SPOCK1: variants seen among roughly 807,000 people sequenced by gnomAD.
The protein encoded by SPOCK1 is SPARC (osteonectin), cwcv and kazal like domains proteoglycan 1.
Under a neutral mutation model 55.3 loss-of-function variants are expected in SPOCK1, and 23 were observed. The observed-to-expected ratio is 0.42, with a 90% CI of 0.30 to 0.59. SPOCK1 has a LOEUF of 0.59. Among genes scored for constraint, SPOCK1 ranks in the 20% least tolerant of loss-of-function variants. SPOCK1 has a pLI of 0.22. For synonymous variants in SPOCK1, 226 were observed against 221.0 expected (o/e 1.02, Z -0.20); for missense variants, 499 against 552.5 (o/e 0.90, Z 0.97).
chr5:137,493,635 G>T (rs1360753523), intron 2 of SPOCK1, among the ~76,000 whole-genome samples: 3 of 152,208 alleles, frequency 2.0e-5, no homozygotes, highest in Non-Finnish European at 4.4e-5. Context: ...TCAATGGTCA[G>T]CTAGTACAGG....
chr5:137,315,005 T>A (rs546281072), intron 2 of SPOCK1, among the ~76,000 whole-genome samples: 45 of 152,210 alleles, frequency 3.0e-4, no homozygotes, highest in African/African-American at 1.1e-3. Flanking sequence ...TGCACCAAAG[T>A]CAGCTTCAGT....
At chr5:137,239,577 A>G (rs929756639) in intron 3 of SPOCK1, among the ~76,000 whole-genome samples, 16 of 152,116 alleles carry the variant, frequency 1.1e-4, no homozygotes, top group African/African-American at 3.9e-4. Context: ...AATTTGTGGG[A>G]TCTGACACCA....
At chr5:137,226,832 G>A (rs765691464) in intron 3 of SPOCK1, among the ~76,000 whole-genome samples, 4 of 152,160 alleles carry the variant, frequency 2.6e-5, no homozygotes, top group Non-Finnish European at 5.9e-5. Flanking sequence ...TACCTCACAT[G>A]TTATAGTAAT....
chr5:137,055,490 G>A (rs970151930), intron 6 of SPOCK1, among the ~76,000 whole-genome samples: 2 of 152,216 alleles, frequency 1.3e-5, no homozygotes, highest in Non-Finnish European at 2.9e-5. Flanking sequence ...CTTTCCCCAA[G>A]TAGGCAAGTT....
chr5:137,313,352 G>C, intron 2 of SPOCK1: 1 of 938,906 alleles, frequency 1.1e-6, no homozygotes, highest in Middle Eastern at 5.4e-4. Context: ...ACACAGAAGA[G>C]CCAGACATTG....
intron 2 of SPOCK1, among the ~76,000 whole-genome samples, chr5:137,454,370 A>G (rs1382698356): frequency 6.6e-6 from 1 of 152,186 alleles, no homozygotes; most frequent in Non-Finnish European, 1.5e-5. Flanking sequence ...ACACATTCGG[A>G]GGATCACTGA....
At chr5:137,437,750 T>A (rs922565292) in intron 2 of SPOCK1, among the ~76,000 whole-genome samples, 5 of 152,246 alleles carry the variant, frequency 3.3e-5, no homozygotes, top group African/African-American at 1.2e-4. Context: ...ACATTCAAAT[T>A]ATTCTCTTCT....
chr5:137,322,552 G>GTACTACTCAA (rs1757999375), intron 2 of SPOCK1, among the ~76,000 whole-genome samples: 1 of 151,990 alleles, frequency 6.6e-6, no homozygotes, highest in Admixed American at 6.6e-5. Flanking sequence ...AAAACAGAGG[G>GTACTACTCAA]GAGAAGTCAA....
chr5:137,072,448 A>C (rs1304610342), intron 5 of SPOCK1, among the ~76,000 whole-genome samples: 1 of 152,234 alleles, frequency 6.6e-6, no homozygotes, highest in Non-Finnish European at 1.5e-5. Flanking sequence ...CAGAAAAAGA[A>C]GCAAGAGCCA....
chr5:137,129,745 T>G (rs1005157876), intron 4 of SPOCK1, among the ~76,000 whole-genome samples: 1 of 152,064 alleles, frequency 6.6e-6, no homozygotes, highest in Non-Finnish European at 1.5e-5. Context: ...GAGCAATAGA[T>G]AGAATAGGGA....
chr5:137,111,654 G>C (rs1438289418), intron 5 of SPOCK1, among the ~76,000 whole-genome samples: 1 of 152,098 alleles, frequency 6.6e-6, no homozygotes. Context: ...TTCACCCAAG[G>C]AGAGTTCCAA....
chr5:137,375,662 A>AT (rs1313712651), intron 2 of SPOCK1, among the ~76,000 whole-genome samples: 1 of 152,262 alleles, frequency 6.6e-6, no homozygotes, highest in Non-Finnish European at 1.5e-5. Context: ...TTAGGTAAGA[A>AT]TAAGGCCAGA....
chr5:137,011,644 C>T (rs1167992078), intron 6 of SPOCK1, among the ~76,000 whole-genome samples: 1 of 152,226 alleles, frequency 6.6e-6, no homozygotes, highest in Non-Finnish European at 1.5e-5. Flanking sequence ...CCATCTACCA[C>T]ATCAGCAATA....
intron 2 of SPOCK1, among the ~76,000 whole-genome samples, chr5:137,336,695 C>T (rs1190343525): frequency 2.0e-5 from 3 of 152,094 alleles, no homozygotes; most frequent in African/African-American, 7.2e-5. Context: ...GATTACTGCT[C>T]CTTCTAGCCT....
chr5:137,417,858 G>T (rs1030718819), intron 2 of SPOCK1, among the ~76,000 whole-genome samples: 5 of 152,150 alleles, frequency 3.3e-5, no homozygotes, highest in East Asian at 3.9e-4. Context: ...CAACGTGCAG[G>T]TTTGTTACAT....
chr5:137,321,998 C>T (rs973361149), intron 2 of SPOCK1, among the ~76,000 whole-genome samples: 1 of 152,022 alleles, frequency 6.6e-6, no homozygotes, highest in Non-Finnish European at 1.5e-5. Flanking sequence ...ACTAGACCCG[C>T]CTTATAAGAA....
At chr5:137,241,123 G>A (rs1017165114) in intron 3 of SPOCK1, among the ~76,000 whole-genome samples, 3 of 152,034 alleles carry the variant, frequency 2.0e-5, no homozygotes, top group Non-Finnish European at 2.9e-5. Flanking sequence ...TGGGAGCAAA[G>A]TTAAATTTAA....
At chr5:137,339,057 T>C (rs1269658686) in intron 2 of SPOCK1, among the ~76,000 whole-genome samples, 4 of 152,212 alleles carry the variant, frequency 2.6e-5, no homozygotes, top group African/African-American at 7.2e-5. Context: ...CTTTGTAATA[T>C]AGTCAGAAGT....
intron 3 of SPOCK1, among the ~76,000 whole-genome samples, chr5:137,154,731 T>C (rs1244745249): frequency 6.6e-6 from 1 of 152,160 alleles, no homozygotes; most frequent in African/African-American, 2.4e-5. Flanking sequence ...CACAGACCCA[T>C]GGGGCTGCTT....
Sources: allele counts gnomAD v4.1 joint callset (sites outside exome capture counted in the v4.1 genomes callset), GRCh38; gene constraint gnomAD v4.1.1; transcripts MANE v1.5; gene names NCBI Gene and HGNC (gene_info 2026-07-23, HGNC 2026-07-21).